The following SULF1 variants were observed in gnomAD, a reference collection of about 807,000 sequenced individuals.
SULF1 encodes sulfatase 1.
Under a neutral mutation model 110.5 loss-of-function variants are expected in SULF1, and 46 were observed. The observed-to-expected ratio is 0.42, with a 90% CI of 0.33 to 0.53. The LOEUF is 0.53. Ranked by LOEUF, SULF1 falls within the 20% of genes least tolerant of loss-of-function variation. SULF1 has a pLI of 0.12. For synonymous variants in SULF1, 371 were observed against 387.1 expected (o/e 0.96, Z 0.49); for missense variants, 941 against 1,094.2 (o/e 0.86, Z 1.98).
intron 1 of SULF1, among the ~76,000 whole-genome samples, chr8:69,474,466 G>A (rs1156618209): frequency 2.6e-5 from 4 of 152,070 alleles, no homozygotes; most frequent in Non-Finnish European, 1.5e-5. Flanking sequence ...GTGCTTTACC[G>A]TGCATCCAGA....
intron 1 of SULF1, among the ~76,000 whole-genome samples, chr8:69,473,873 A>T (rs972012315): frequency 6.6e-6 from 1 of 152,210 alleles, no homozygotes. Flanking sequence ...TTGTCCTATG[A>T]TCTTTCCAAT....
At chr8:69,527,162 A>G (rs1812757019) in intron 3 of SULF1, among the ~76,000 whole-genome samples, 1 of 152,128 alleles carries the variant, frequency 6.6e-6, no homozygotes, top group African/African-American at 2.4e-5. Context: ...GGCAGAGTAT[A>G]CAAGGACTCT....
intron 3 of SULF1, among the ~76,000 whole-genome samples, chr8:69,521,812 G>C (rs1373998240): frequency 6.7e-6 from 1 of 149,846 alleles, no homozygotes; most frequent in African/African-American, 2.5e-5. Flanking sequence ...TATCTATCAT[G>C]TTGTGGGTAG....
At chr8:69,495,251 C>T (rs1810260820) in intron 1 of SULF1, among the ~76,000 whole-genome samples, 1 of 152,048 alleles carries the variant, frequency 6.6e-6, no homozygotes, top group Admixed American at 6.5e-5. Flanking sequence ...GATGTGGTGG[C>T]ATGTGTCTGT....
intron 22 of SULF1, among the ~76,000 whole-genome samples, chr8:69,655,507 C>T (rs544033266): frequency 1.3e-5 from 2 of 152,330 alleles, no homozygotes; most frequent in South Asian, 2.1e-4. Context: ...GATAGTTGCT[C>T]TTTTGGTAAT....
intron 6 of SULF1, among the ~76,000 whole-genome samples, chr8:69,578,786 AT>A (rs1392055738): frequency 1.3e-5 from 2 of 152,110 alleles, no homozygotes; most frequent in Non-Finnish European, 2.9e-5. Context: ...CACTTAGGTA[AT>A]AATACAATTT....
intron 13 of SULF1, among the ~76,000 whole-genome samples, chr8:69,618,513 G>A (rs532026941): frequency 6.6e-6 from 1 of 152,270 alleles, no homozygotes; most frequent in African/African-American, 2.4e-5. Flanking sequence ...AGAGACTTGA[G>A]CATTTGTGGA....
chr8:69,582,180 A>G (rs957734257), intron 6 of SULF1, among the ~76,000 whole-genome samples: 4 of 152,206 alleles, frequency 2.6e-5, no homozygotes, highest in African/African-American at 9.7e-5. Flanking sequence ...GAAGTAACTT[A>G]AAGTGCAGAA....
intron 1 of SULF1, among the ~76,000 whole-genome samples, chr8:69,470,078 A>G (rs1394967005): frequency 6.6e-6 from 1 of 152,152 alleles, no homozygotes; most frequent in Admixed American, 6.5e-5. Flanking sequence ...GATTTCTGAT[A>G]CTGAGCTATA....
At chr8:69,610,768 T>C (rs1325690786) in intron 13 of SULF1, among the ~76,000 whole-genome samples, 1 of 152,264 alleles carries the variant, frequency 6.6e-6, no homozygotes, top group Non-Finnish European at 1.5e-5. Flanking sequence ...TAATTTGTAC[T>C]GTGTCTTCTT....
At position 69,589,027 on chromosome 8, in the gene SULF1, A is replaced by G; in HGVS notation, c.620A>G (p.Lys207Arg). 6.2e-7 allele frequency: 1 copy of G among 1,614,218 alleles called. No homozygotes were observed. Among genetic ancestry groups the G allele is most frequent in the Middle Eastern group, 1.6e-4 (1 of 6,062 alleles). Reference sequence around the variant, plus strand: ...AGCATTAATTACTTCAAAATGTCTAAGAGAATGTATCCCCATAGGCCCGTT... The same window carrying G: ...AGCATTAATTACTTCAAAATGTCTAGGAGAATGTATCCCCATAGGCCCGTT... ...NESINYFKMS[K>R]RMYPHRPVMM... The change falls in exon 8 of 23, where the codon AAG becomes AGG. Residue 207 changes from lysine to arginine, a missense_variant. This residue lies in a region of SULF1 where 822 missense variants were observed against 934.3 expected (regional missense o/e 0.88). Transcript: ENST00000402687.
intron 13 of SULF1, among the ~76,000 whole-genome samples, chr8:69,617,002 G>T (rs1809201508): frequency 6.6e-6 from 1 of 152,016 alleles, no homozygotes; most frequent in South Asian, 2.1e-4. Context: ...AATGCTAGAG[G>T]CAGAGATCAT....
At chr8:69,480,923 A>G (rs1009545913) in intron 1 of SULF1, among the ~76,000 whole-genome samples, 5 of 151,418 alleles carry the variant, frequency 3.3e-5, no homozygotes, top group Admixed American at 2.6e-4. Flanking sequence ...GCATTAGGAG[A>G]TATACCTAAT....
chr8:69,623,311 T>A (rs1260865607), intron 14 of SULF1, among the ~76,000 whole-genome samples: 1 of 152,200 alleles, frequency 6.6e-6, no homozygotes, highest in Non-Finnish European at 1.5e-5. Context: ...TGGTAAGACT[T>A]CATAGTCTCA....
chr8:69,653,347 G>C (rs1395607451), intron 22 of SULF1, among the ~76,000 whole-genome samples: 2 of 152,180 alleles, frequency 1.3e-5, no homozygotes, highest in East Asian at 3.8e-4. Context: ...TGGGATTACA[G>C]GCATGAGCCA....
intron 7 of SULF1, 126 bp from the exon 8 acceptor site, chr8:69,588,846 T>G: frequency 1.2e-6 from 1 of 854,748 alleles, no homozygotes; most frequent in Non-Finnish European, 1.8e-6. Context: ...AGGTGCAGCC[T>G]TCCTTCCTGC....
rs145029889 is a variant in SULF1 at position 69,562,285 on chromosome 8, C to T, written c.-133-1254C>T. On this transcript the variant is annotated intron_variant, in intron 3 of 22. Coordinates refer to ENST00000402687, the MANE Select transcript of SULF1 (RefSeq NM_001128205.2). ...TGTGTATGGTAGGGGTAAACAATAT[C>T]CAGTCTTTCTTCTTTCACTACCCCC... Among the ~76,000 whole-genome samples, 472 of 152,218 alleles carry T rather than the reference C, an allele frequency of 3.1e-3. 3 individuals are homozygous for T. The highest frequency in any genetic ancestry group is 0.01 in the African/African-American group (430 of 41,538).
chr8:69,555,143 G>A (rs901043757), intron 3 of SULF1, among the ~76,000 whole-genome samples: 4 of 151,766 alleles, frequency 2.6e-5, no homozygotes, highest in African/African-American at 7.3e-5. Context: ...AAAAAATACA[G>A]CTAATCTCCA....
intron 8 of SULF1, among the ~76,000 whole-genome samples, chr8:69,599,623 C>T (rs1034564818): frequency 3.9e-5 from 6 of 152,110 alleles, no homozygotes; most frequent in East Asian, 1.9e-4. Flanking sequence ...AACTCTCACT[C>T]GGTTTTTAAT....
Sources: gnomAD v4.1 joint callset for allele counts (sites outside exome capture counted in the v4.1 genomes callset) on GRCh38, gnomAD v4.1.1 for gene constraint, gnomAD v4.1.1 regional missense constraint, MANE v1.5 for transcripts, NCBI Gene and HGNC (gene_info 2026-07-23, HGNC 2026-07-21) for gene names.